Variants in DLGAP1 observed in about 807,000 individuals in gnomAD.
DLGAP1 encodes DLG associated protein 1.
DLGAP1 carries 11 observed loss-of-function variants against 90.8 expected under a neutral mutation model. The observed-to-expected ratio is 0.12, with a 90% confidence interval of 0.08 to 0.20. The LOEUF (loss-of-function observed/expected upper bound fraction) is 0.20, where lower values mean the gene tolerates loss of function less well. DLGAP1 is among the 10% of genes least tolerant of loss of function. The pLI is 1.00. For synonymous variants in DLGAP1, 558 were observed against 540.7 expected (o/e 1.03, Z -0.44); for missense variants, 1,050 against 1,333.8 (o/e 0.79, Z 3.31).
At chr18:4,419,346 G>GT (rs1239434546) in intron 1 of DLGAP1, among the ~76,000 whole-genome samples, 1 of 152,126 alleles carries the variant, frequency 6.6e-6, no homozygotes, top group Non-Finnish European at 1.5e-5. Flanking sequence ...TGGGTACACA[G>GT]TGCCAAACCA....
At chr18:3,831,074 G>A (rs918507871) in intron 4 of DLGAP1, among the ~76,000 whole-genome samples, 1 of 152,204 alleles carries the variant, frequency 6.6e-6, no homozygotes, top group Non-Finnish European at 1.5e-5. Flanking sequence ...CTCCGTGCAC[G>A]AAGTTGCTGG....
intron 8 of DLGAP1, among the ~76,000 whole-genome samples, chr18:3,575,358 A>C (rs780171705): frequency 1.7e-4 from 26 of 152,212 alleles, no homozygotes; most frequent in Non-Finnish European, 3.7e-4. Context: ...ATTGCATTTC[A>C]TATAATGTGA....
At chr18:4,021,039 C>T (rs1599338277) in intron 2 of DLGAP1, among the ~76,000 whole-genome samples, 1 of 152,148 alleles carries the variant, frequency 6.6e-6, no homozygotes, top group African/African-American at 2.4e-5. Context: ...ACGATTTCAT[C>T]TCCAACCCAA....
At chr18:4,392,333 G>A (rs115068564) in intron 1 of DLGAP1, among the ~76,000 whole-genome samples, 1,982 of 152,150 alleles carry the variant, frequency 0.013, 58 homozygotes, top group African/African-American at 0.045. Context: ...TGCATGATCT[G>A]TTCACTTATT....
intron 5 of DLGAP1, among the ~76,000 whole-genome samples, chr18:3,782,016 CTATTCCAAGCTTGGAACAG>C (rs36208018): frequency 0.82 from 123,498 of 151,068 alleles, 51,023 homozygotes; most frequent in East Asian, 1. Flanking sequence ...ACGGGAGATT[CTATTCCAAGCTTGGAACAG>C]TATTCCAAGC....
Position 4,404,717 on chromosome 18 carries a change from T to A in DLGAP1, c.-267+50289A>T, listed in dbSNP as rs12607684. On this transcript the variant is annotated intron_variant, in intron 1 of 12. Transcript: ENST00000315677. ...AATGTCAATTTAAAAGGAAATCCTA[T>A]GAAATCAGAGATTATAATAATATGA... 4.3e-3 allele frequency among the ~76,000 whole-genome samples: 662 copies of A among 152,238 alleles called. 38 individuals are homozygous for A. The East Asian group carries it at 0.1, about 24-fold the overall frequency.
At chr18:4,165,932 G>T (rs1225128227) in intron 1 of DLGAP1, among the ~76,000 whole-genome samples, 1 of 152,116 alleles carries the variant, frequency 6.6e-6, no homozygotes, top group African/African-American at 2.4e-5. Flanking sequence ...TAAGGTGAGA[G>T]GATGGCTTGA....
intron 1 of DLGAP1, among the ~76,000 whole-genome samples, chr18:4,201,174 C>T (rs2077599660): frequency 6.6e-6 from 1 of 151,814 alleles, no homozygotes; most frequent in African/African-American, 2.4e-5. Context: ...TTTATTCTTG[C>T]TTTTGAGGCA....
intron 1 of DLGAP1, among the ~76,000 whole-genome samples, chr18:4,228,307 C>T (rs1056505352): frequency 1.3e-5 from 2 of 151,872 alleles, no homozygotes; most frequent in African/African-American, 2.4e-5. Context: ...TTCTAAAAAA[C>T]AGAGGAGGAG....
At chr18:3,684,332 A>G (rs2060625296) in intron 7 of DLGAP1, among the ~76,000 whole-genome samples, 2 of 150,020 alleles carry the variant, frequency 1.3e-5, no homozygotes, top group Non-Finnish European at 3.0e-5. Flanking sequence ...TGGGACTACA[A>G]GGATGCACCA....
intron 1 of DLGAP1, among the ~76,000 whole-genome samples, chr18:4,238,269 A>C (rs1014193804): frequency 1.3e-5 from 2 of 152,212 alleles, no homozygotes; most frequent in Non-Finnish European, 2.9e-5. Context: ...ACTTCTGTGA[A>C]TTATGACCCC....
At chr18:3,989,099 C>G (rs769517347) in intron 3 of DLGAP1, among the ~76,000 whole-genome samples, 3 of 152,188 alleles carry the variant, frequency 2.0e-5, no homozygotes, top group Non-Finnish European at 2.9e-5. Context: ...TCCCAGGACC[C>G]GGTCCCTATG....
At chr18:3,720,668 G>A (rs185762082) in intron 7 of DLGAP1, among the ~76,000 whole-genome samples, 254 of 152,118 alleles carry the variant, frequency 1.7e-3, no homozygotes, top group African/African-American at 5.7e-3. Flanking sequence ...ACCGCTATTA[G>A]TTTGCTATAT....
At chr18:3,825,004 G>A (rs532847303) in intron 4 of DLGAP1, among the ~76,000 whole-genome samples, 1 of 152,310 alleles carries the variant, frequency 6.6e-6, no homozygotes, top group South Asian at 2.1e-4. Flanking sequence ...GTTGCCTCTT[G>A]AGGGTGTGTA....
intron 7 of DLGAP1, among the ~76,000 whole-genome samples, chr18:3,585,590 G>A (rs879840833): frequency 3.9e-5 from 6 of 152,166 alleles, no homozygotes; most frequent in Non-Finnish European, 8.8e-5. Flanking sequence ...TGATCTTTTG[G>A]ATTATGTATT....
intron 3 of DLGAP1, among the ~76,000 whole-genome samples, chr18:3,966,476 T>C (rs983178353): frequency 6.6e-6 from 1 of 152,042 alleles, no homozygotes; most frequent in Admixed American, 6.5e-5. Flanking sequence ...AGGAATGAAT[T>C]ATGAAGCTAT....
At chr18:4,186,306 C>T (rs1177871417) in intron 1 of DLGAP1, among the ~76,000 whole-genome samples, 2 of 152,076 alleles carry the variant, frequency 1.3e-5, no homozygotes, top group Non-Finnish European at 2.9e-5. Context: ...TCAACTTCTG[C>T]TTTTGTTGAG....
chr18:4,381,954 G>A (rs1341956413), intron 1 of DLGAP1, among the ~76,000 whole-genome samples: 6 of 152,146 alleles, frequency 3.9e-5, no homozygotes, highest in East Asian at 1.9e-4. Context: ...AAGAGAGGGA[G>A]TGATAGCCAA....
At chr18:4,192,997 A>G (rs1245243605) in intron 1 of DLGAP1, among the ~76,000 whole-genome samples, 1 of 152,258 alleles carries the variant, frequency 6.6e-6, no homozygotes, top group Non-Finnish European at 1.5e-5. Flanking sequence ...ACTACATAAT[A>G]TAGTAGATTT....
Sources: gnomAD v4.1 joint callset for allele counts (sites outside exome capture counted in the v4.1 genomes callset) on GRCh38, gnomAD v4.1.1 for gene constraint, MANE v1.5 for transcripts, NCBI Gene and HGNC (gene_info 2026-07-23, HGNC 2026-07-21) for gene names.